Variants in TP63 observed in about 807,000 individuals in gnomAD.
The protein encoded by TP63 is tumor protein p63, also known as tumor protein 63.
A neutral mutation model predicts 82.8 loss-of-function variants in TP63; 17 were observed. The observed-to-expected ratio is 0.21, with a 90% CI of 0.14 to 0.31. The LOEUF (loss-of-function observed/expected upper bound fraction) is 0.31. Among genes scored for constraint, TP63 ranks in the 10% least tolerant of loss-of-function variants. The pLI, the probability that TP63 is intolerant of heterozygous loss-of-function variation, is 1.00. For synonymous variants in TP63, 330 were observed against 321.7 expected (o/e 1.03, Z -0.28); for missense variants, 648 against 895.3 (o/e 0.72, Z 3.52).
At chr3:189,789,018 T>G (rs1444515679) in intron 3 of TP63, among the ~76,000 whole-genome samples, 1 of 152,050 alleles carries the variant, frequency 6.6e-6, no homozygotes, top group Non-Finnish European at 1.5e-5. Context: ...TTTGTTTGTT[T>G]TTGTAAGTTA....
chr3:189,639,346 CAT>C (rs145905131), intron 1 of TP63, among the ~76,000 whole-genome samples: 92 of 152,246 alleles, frequency 6.0e-4, no homozygotes, highest in Middle Eastern at 3.4e-3. Flanking sequence ...CAGTTATTAA[CAT>C]GTGTGTTTTA....
chr3:189,629,393 A>G (rs1259418134), upstream of TP63, among the ~76,000 whole-genome samples: 3 of 152,114 alleles, frequency 2.0e-5, no homozygotes, highest in African/African-American at 7.2e-5. Context: ...AAAAATAATA[A>G]ATAAATAAAA....
chr3:189,792,259 T>C (rs1302875241), intron 3 of TP63, among the ~76,000 whole-genome samples: 2 of 152,196 alleles, frequency 1.3e-5, no homozygotes, highest in East Asian at 3.9e-4. Flanking sequence ...CTGAAGGCTC[T>C]ACCCTTGGGT....
the TP63 span, among the ~76,000 whole-genome samples, chr3:189,616,388 C>CT: frequency 6.6e-6 from 1 of 152,196 alleles, no homozygotes; most frequent in Non-Finnish European, 1.5e-5. Flanking sequence ...ATATTAAGTT[C>CT]TTTCTAACAC....
At chr3:189,852,597 G>A (rs757542671) in intron 4 of TP63, among the ~76,000 whole-genome samples, 15 of 152,154 alleles carry the variant, frequency 9.9e-5, no homozygotes, top group Non-Finnish European at 1.8e-4. Flanking sequence ...TACTGCCCTA[G>A]GTTGGGCCTT....
intron 4 of TP63, among the ~76,000 whole-genome samples, chr3:189,820,477 T>C (rs1728687989): frequency 6.6e-6 from 1 of 152,208 alleles, no homozygotes; most frequent in Non-Finnish European, 1.5e-5. Flanking sequence ...TTTAAGGTTT[T>C]ATAGACTCTT....
At chr3:189,866,841 C>A in intron 6 of TP63, 44 bp downstream of exon 6, 1 of 1,482,508 alleles carries the variant, frequency 6.7e-7, no homozygotes, top group East Asian at 2.3e-5. Flanking sequence ...CCTCTATGGA[C>A]TGAGTAGACT....
chr3:189,714,495 C>T (rs544509913), intron 1 of TP63, among the ~76,000 whole-genome samples: 116 of 152,274 alleles, frequency 7.6e-4, no homozygotes, highest in Admixed American at 1.6e-3. Context: ...AGTGTATGTT[C>T]GTACACCAAT....
intron 4 of TP63, among the ~76,000 whole-genome samples, chr3:189,841,550 G>A (rs1280847745): frequency 1.3e-5 from 2 of 152,162 alleles, no homozygotes; most frequent in Non-Finnish European, 2.9e-5. Context: ...TTTTAGAGCA[G>A]ATGTACAAAT....
intron 8 of TP63, 74 bp from the exon 9 acceptor site, chr3:189,869,250 T>G: frequency 2.8e-6 from 3 of 1,072,952 alleles, no homozygotes; most frequent in Non-Finnish European, 4.2e-6. Flanking sequence ...AATATTTAAT[T>G]ATTAAGTATA....
the TP63 span, among the ~76,000 whole-genome samples, chr3:189,599,795 T>C: frequency 6.6e-6 from 1 of 152,222 alleles, no homozygotes; most frequent in Non-Finnish European, 1.5e-5. Context: ...TGACATTGCT[T>C]GGATAAAACA....
chr3:189,651,765 T>G (rs1321798828), intron 1 of TP63, among the ~76,000 whole-genome samples: 1 of 146,164 alleles, frequency 6.8e-6, no homozygotes, highest in African/African-American at 2.6e-5. Context: ...CTGGGCTGAG[T>G]CCAGGGCCCC....
chr3:189,837,099 A>G (rs1003316022), intron 4 of TP63, among the ~76,000 whole-genome samples: 1 of 152,076 alleles, frequency 6.6e-6, no homozygotes, highest in African/African-American at 2.4e-5. Context: ...TTCCAAATAT[A>G]TACTCTTCCC....
intron 1 of TP63, among the ~76,000 whole-genome samples, chr3:189,670,324 A>G (rs914738458): frequency 1.3e-5 from 2 of 152,192 alleles, no homozygotes; most frequent in Admixed American, 1.3e-4. Context: ...ACTTGAACCA[A>G]TCGATATTTG....
chr3:189,893,355 CT>C (rs994153694), intron 13 of TP63, among the ~76,000 whole-genome samples: 1 of 152,208 alleles, frequency 6.6e-6, no homozygotes, highest in Admixed American at 6.5e-5. Context: ...ATCAAAACCT[CT>C]GCCACAGTTT....
In TP63 at chr3:189,776,991, G is replaced by A. The variant is rs1249642387; in HGVS notation, c.325-31281G>A. Among the ~76,000 whole-genome samples, 5 of 152,246 alleles carry A rather than the reference G, an allele frequency of 3.3e-5. No homozygotes were observed. In the East Asian group the frequency reaches 7.7e-4, roughly 23 times the overall value. On this transcript the variant is annotated intron_variant, in intron 3 of 13. Transcript: ENST00000264731. ...AATATCAAGTCATAGGAAATAAGAG[G>A]CCTATACCTTTTCTTCAGGGAAGTT...
At chr3:189,617,076 C>T in the TP63 span, among the ~76,000 whole-genome samples, 1 of 152,188 alleles carries the variant, frequency 6.6e-6, no homozygotes, top group African/African-American at 2.4e-5. Context: ...ACCATTGGAT[C>T]TGTAAAGGCT....
At chr3:189,696,138 C>T (rs1717360014) in intron 1 of TP63, among the ~76,000 whole-genome samples, 1 of 152,052 alleles carries the variant, frequency 6.6e-6, no homozygotes, top group Non-Finnish European at 1.5e-5. Flanking sequence ...GTCATGTATC[C>T]ACCATGAATA....
At chr3:189,656,465 A>G (rs1577186302) in intron 1 of TP63, among the ~76,000 whole-genome samples, 1 of 152,090 alleles carries the variant, frequency 6.6e-6, no homozygotes, top group East Asian at 1.9e-4. Flanking sequence ...AACATAAGCA[A>G]TGAATAAAAA....
Sources: allele counts gnomAD v4.1 joint callset (sites outside exome capture counted in the v4.1 genomes callset), GRCh38; gene constraint gnomAD v4.1.1; transcripts MANE v1.5; gene names NCBI Gene and HGNC (gene_info 2026-07-23, HGNC 2026-07-21).